The following SERPINB13 variants were observed in gnomAD, a reference collection of about 807,000 sequenced individuals.
SERPINB13 encodes serpin B13.
Under a neutral mutation model 31.2 loss-of-function variants are expected in SERPINB13, and 26 were observed. The ratio of observed to expected loss-of-function variants is 0.83; its 90% CI spans 0.61 to 1.15. The LOEUF is 1.15. Ranked by LOEUF, SERPINB13 falls within the 50% of genes most tolerant of loss-of-function variation. SERPINB13 has a pLI of 0.00. For missense variants in SERPINB13, 510 were observed against 469.4 expected (o/e 1.09, Z -0.80); for synonymous variants, 191 against 172.4 (o/e 1.11, Z -0.85).
At chr18:63,587,570 A>G (rs1352628320) in intron 1 of SERPINB13, 120 bp downstream of exon 1, 11 of 405,530 alleles carry the variant, frequency 2.7e-5, no homozygotes, top group Non-Finnish European at 5.5e-5. Context: ...TATTTAATTC[A>G]GTTCCAACAT....
rs761385994 is a variant in SERPINB13 at position 63,588,822 on chromosome 18, A to G, written c.155A>G (p.Gln52Arg). 1.9e-6 allele frequency: 3 copies of G among 1,613,870 alleles called. No homozygotes were observed. In the South Asian group the frequency reaches 3.3e-5, roughly 18 times the overall value. Residue 52 changes from glutamine (Q) to arginine (R), a missense_variant, in exon 2 of 8, where the codon CAG (glutamine) becomes CGG (arginine). Coordinates refer to ENST00000344731, the MANE Select transcript of SERPINB13 (RefSeq NM_012397.4). ...LLGTRGATASQLEEVFHSEKE... is the reference protein window; with the variant it reads ...LLGTRGATASRLEEVFHSEKE... ...GGGACCCGAGGAGCCACCGCTTCCCAGTTGGAGGAGGTTGGGCGCAGTCAG... is the reference window on the plus strand; with the variant it reads ...GGGACCCGAGGAGCCACCGCTTCCCGGTTGGAGGAGGTTGGGCGCAGTCAG...
At chr18:63,587,698 G>T (rs1911593094) in intron 1 of SERPINB13, among the ~76,000 whole-genome samples, 1 of 152,220 alleles carries the variant, frequency 6.6e-6, no homozygotes, top group African/African-American at 2.4e-5. Flanking sequence ...TATCAGATGT[G>T]GGATGCCTTA....
Position 63,587,379 on chromosome 18 carries a change from A to T in SERPINB13, c.-89A>T. On this transcript the variant is annotated 5_prime_UTR_variant, in exon 1 of 8. Transcript: ENST00000344731. ...AGATGTGGAGAACTATAAATTAAGG[A>T]TCCCAGCTACTTAATTGACTTATGC... is the stretch of plus-strand genomic sequence containing the variant. The T allele has an allele frequency of 2.1e-6, 1 of 469,800 alleles. No homozygotes were observed. The highest frequency in any genetic ancestry group is 4.4e-6 in the Non-Finnish European group (1 of 226,684). 29.1% of individuals were successfully genotyped at this position (469,800 alleles called of 1,614,324 possible).
chr18:63,596,160 A>G (rs2144411090), intron 7 of SERPINB13, among the ~76,000 whole-genome samples: 1 of 152,292 alleles, frequency 6.6e-6, no homozygotes, highest in East Asian at 1.9e-4. Flanking sequence ...CATAGAAAGC[A>G]CTCAAATGAT....
intron 4 of SERPINB13, 126 bp from the exon 5 acceptor site, chr18:63,592,728 C>T (rs965147984): frequency 1.8e-5 from 13 of 737,712 alleles, no homozygotes; most frequent in African/African-American, 3.5e-5. Context: ...GTGAGATGCC[C>T]AGGGCCTTAA....
rs1344773014 is a variant in SERPINB13 at position 63,598,791 on chromosome 18, G to T, written c.*1428G>T. 1.3e-5 allele frequency: 2 copies of T among 152,106 alleles called. No homozygotes were observed. The highest frequency in any genetic ancestry group is 4.1e-4 in the South Asian group (2 of 4,822). The allele number at this position is 152,106 out of a possible 1,614,324, so 9.4% of individuals were successfully genotyped here. On this transcript the variant is annotated 3_prime_UTR_variant, in exon 8 of 8. Coordinates refer to ENST00000344731, the MANE Select transcript of SERPINB13 (RefSeq NM_012397.4). ...GGAGATTCCTAGGCTAGAAATTGCTGGGCCATATGAAAAATCAATAGTTAG... is the reference window on the plus strand; with the variant it reads ...GGAGATTCCTAGGCTAGAAATTGCTTGGCCATATGAAAAATCAATAGTTAG...
intron 6 of SERPINB13, 51 bp downstream of exon 6, chr18:63,594,548 T>C: frequency 6.3e-7 from 1 of 1,590,464 alleles, no homozygotes; most frequent in Non-Finnish European, 8.6e-7. Context: ...GAATGTAAAG[T>C]CTAAAGTCAT....
chr18:63,588,242 C>A (rs367600786), intron 1 of SERPINB13, among the ~76,000 whole-genome samples: 3 of 152,126 alleles, frequency 2.0e-5, no homozygotes, highest in Non-Finnish European at 4.4e-5. Context: ...CTTGTGCCTA[C>A]CCCCCTGCCT....
At chr18:63,588,144 T>C (rs144879890) in intron 1 of SERPINB13, among the ~76,000 whole-genome samples, 3 of 152,252 alleles carry the variant, frequency 2.0e-5, no homozygotes, top group East Asian at 3.9e-4. Context: ...AATTGAGAAA[T>C]AGTATCAGAT....
intron 5 of SERPINB13, among the ~76,000 whole-genome samples, chr18:63,593,260 G>T (rs2144401484): frequency 6.6e-6 from 1 of 152,300 alleles, no homozygotes; most frequent in East Asian, 1.9e-4. Context: ...CAAATGCACG[G>T]AAACGCTTGC....
intron 2 of SERPINB13, among the ~76,000 whole-genome samples, chr18:63,589,438 G>A (rs1260279363): frequency 7.1e-6 from 1 of 141,542 alleles, no homozygotes; most frequent in Admixed American, 7.2e-5. Context: ...CTGGCCAAAA[G>A]AGCAAAACTC....
chr18:63,589,490 C>CACACACACACAT (rs202159249), intron 2 of SERPINB13, among the ~76,000 whole-genome samples, 166 bp from the exon 3 acceptor site: 9 of 151,000 alleles, frequency 6.0e-5, no homozygotes, highest in African/African-American at 2.2e-4. Context: ...CACACACACA[C>CACACACACACAT]GAAAAATCAG....
At position 63,598,302 on chromosome 18, in the gene SERPINB13, G is replaced by T. The variant is rs1163040679; in HGVS notation, c.*939G>T. On this transcript the variant is annotated 3_prime_UTR_variant, in exon 8 of 8. Coordinates refer to ENST00000344731, the MANE Select transcript of SERPINB13 (RefSeq NM_012397.4). ...AGCTTTGTCAAACTACAATTTACAT[G>T]CCGTAAAATGTACACACTGTAATTT... The T allele has an allele frequency of 6.6e-6, 1 of 151,924 alleles. No individual in the cohort carries two copies. The highest frequency in any genetic ancestry group is 1.5e-5 in the Non-Finnish European group (1 of 67,966). 9.4% of individuals were successfully genotyped at this position (151,924 alleles called of 1,614,324 possible).
At chr18:63,589,468 C>T (rs111669299) in intron 2 of SERPINB13, among the ~76,000 whole-genome samples, 188 bp from the exon 3 acceptor site, 4 of 148,026 alleles carry the variant, frequency 2.7e-5, no homozygotes, top group Non-Finnish European at 4.5e-5. Context: ...CACACACACA[C>T]ACACACACAC....
intron 3 of SERPINB13, among the ~76,000 whole-genome samples, chr18:63,590,520 G>C (rs962027038): frequency 1.3e-5 from 2 of 152,168 alleles, no homozygotes; most frequent in Non-Finnish European, 1.5e-5. Context: ...GGAGGGTCAG[G>C]CTTCCTTTCA....
At chr18:63,593,911 T>G in intron 5 of SERPINB13, 1 of 445,192 alleles carries the variant, frequency 2.2e-6, no homozygotes, top group Non-Finnish European at 4.6e-6. Context: ...GTAAGCATAA[T>G]AGCTAACACA....
intron 6 of SERPINB13, 138 bp from the exon 7 acceptor site, chr18:63,594,891 T>C (rs1312458671): frequency 3.9e-6 from 3 of 775,484 alleles, no homozygotes; most frequent in Non-Finnish European, 6.0e-6. Context: ...TACTGGTAGA[T>C]AGTGGATGCT....
intron 3 of SERPINB13, among the ~76,000 whole-genome samples, chr18:63,590,271 G>T (rs553902088): frequency 4.6e-5 from 7 of 152,174 alleles, no homozygotes; most frequent in Non-Finnish European, 8.8e-5. Flanking sequence ...TCCAGCTCCA[G>T]TGTTCCTGTA....
rs961112987 is a variant in SERPINB13 at position 63,598,384 on chromosome 18, T to G, written c.*1021T>G. ...CGTTATGCATCGCCACAATCCAGTTTTAGAATATTTCCATGACCCTAAGAA... is the reference window on the plus strand; with the variant it reads ...CGTTATGCATCGCCACAATCCAGTTGTAGAATATTTCCATGACCCTAAGAA... On this transcript the variant is annotated 3_prime_UTR_variant, in exon 8 of 8. Transcript: ENST00000344731. The G allele has an allele frequency of 2.6e-5, 4 of 152,290 alleles. No individual in the cohort carries two copies. Among genetic ancestry groups the G allele is most frequent in the Non-Finnish European group, 5.9e-5 (4 of 68,002 alleles). 9.4% of individuals were successfully genotyped at this position (152,290 alleles called of 1,614,324 possible). A position where few individuals can be genotyped will look rare whatever the true frequency, so the allele number is the denominator to read the frequency against.
Sources: gnomAD v4.1 joint callset for allele counts (sites outside exome capture counted in the v4.1 genomes callset) on GRCh38, gnomAD v4.1.1 for gene constraint, MANE v1.5 for transcripts, NCBI Gene and HGNC (gene_info 2026-07-23, HGNC 2026-07-21) for gene names.